The following TRAPPC9 variants were observed in gnomAD, a reference collection of about 807,000 sequenced individuals.
The protein encoded by TRAPPC9 is trafficking protein particle complex subunit 9, also known as IKK2 binding protein.
A neutral mutation model predicts 124.0 loss-of-function variants in TRAPPC9; 83 were observed. The observed-to-expected ratio is 0.67, with a 90% CI of 0.56 to 0.80. TRAPPC9 has a LOEUF of 0.80. TRAPPC9 is among the 30% of genes least tolerant of loss of function. TRAPPC9 has a pLI of 0.00. For missense variants in TRAPPC9, 1,302 were observed against 1,508.3 expected (o/e 0.86, Z 2.27); for synonymous variants, 638 against 617.5 (o/e 1.03, Z -0.49).
chr8:139,995,702 G>A (rs1215330062), intron 18 of TRAPPC9, among the ~76,000 whole-genome samples: 1 of 151,998 alleles, frequency 6.6e-6, no homozygotes. Flanking sequence ...CCAGGGAGCT[G>A]AGCTTGACAG....
intron 2 of TRAPPC9, among the ~76,000 whole-genome samples, chr8:140,448,901 C>T (rs2071359352): frequency 6.6e-6 from 1 of 152,192 alleles, no homozygotes; most frequent in African/African-American, 2.4e-5. Context: ...AACCTTGCTG[C>T]CTCAGCCCCA....
intron 11 of TRAPPC9, among the ~76,000 whole-genome samples, chr8:140,297,641 C>T (rs2065847568): frequency 6.6e-6 from 1 of 152,238 alleles, no homozygotes; most frequent in East Asian, 1.9e-4. Context: ...CAGATGGAGG[C>T]TGTGTCTGAG....
chr8:139,791,995 C>T (rs1822713933), intron 21 of TRAPPC9, among the ~76,000 whole-genome samples: 1 of 149,146 alleles, frequency 6.7e-6, no homozygotes, highest in Non-Finnish European at 1.5e-5. Flanking sequence ...CAGCTTTCAG[C>T]ACACGTCACC....
intron 17 of TRAPPC9, among the ~76,000 whole-genome samples, chr8:140,116,372 A>C (rs2060888746): frequency 1.3e-5 from 2 of 151,792 alleles, no homozygotes; most frequent in Non-Finnish European, 2.9e-5. Flanking sequence ...AACGATTATC[A>C]CTCCCCTAGA....
chr8:140,023,919 CG>C lies in TRAPPC9; in HGVS notation c.2699+17del. On this transcript the variant is annotated intron_variant, in intron 18 of 22. Coordinates refer to ENST00000438773, the MANE Select transcript of TRAPPC9 (RefSeq NM_001160372.4). ...GAGACTCTAGAACAAGACGGCTGTG[CG>C]GCAGGAAGACATTTACCTGGTTGCT... 6.2e-7 allele frequency: 1 copy of C among 1,613,820 alleles called. No individual in the cohort carries two copies. Among genetic ancestry groups the C allele is most frequent in the Middle Eastern group, 1.7e-4 (1 of 6,036 alleles).
chr8:140,350,776 G>A (rs182769086), intron 9 of TRAPPC9, among the ~76,000 whole-genome samples: 88 of 152,256 alleles, frequency 5.8e-4, no homozygotes, highest in African/African-American at 1.9e-3. Context: ...AACTGGAACC[G>A]GGAGCAGACG....
chr8:139,858,469 T>C (rs1827935388), intron 21 of TRAPPC9, among the ~76,000 whole-genome samples: 1 of 152,236 alleles, frequency 6.6e-6, no homozygotes, highest in Non-Finnish European at 1.5e-5. Context: ...TCCATGCCAT[T>C]TTTATCAATC....
At chr8:139,980,847 C>T (rs546325335) in intron 19 of TRAPPC9, among the ~76,000 whole-genome samples, 1 of 152,278 alleles carries the variant, frequency 6.6e-6, no homozygotes, top group South Asian at 2.1e-4. Flanking sequence ...CTTCCACGCG[C>T]TAGGAAAGGC....
At chr8:140,118,258 T>C (rs4736138) in intron 17 of TRAPPC9, among the ~76,000 whole-genome samples, 46,860 of 152,086 alleles carry the variant, frequency 0.31, 7,381 homozygotes, top group Admixed American at 0.36. Context: ...GAAGTTCAAG[T>C]AAGTCCAGCT....
In TRAPPC9 at chr8:139,768,586, A is replaced by C. The variant is rs536366275; in HGVS notation, c.3056-36384T>G. On this transcript the variant is annotated intron_variant, in intron 21 of 22. Coordinates refer to ENST00000438773, the MANE Select transcript of TRAPPC9 (RefSeq NM_001160372.4). ...TCTGGATGGTGGGATTTCTGGTAAT[A>C]GTCCATTTCTTCTTTGTGTTCACCT... Among the ~76,000 whole-genome samples the C allele has an allele frequency of 3.9e-5, 6 of 152,354 alleles. No individual in the cohort carries two copies. In the South Asian group the frequency reaches 1.2e-3, roughly 32 times the overall value.
chr8:139,990,147 G>C (rs760668902), intron 18 of TRAPPC9, among the ~76,000 whole-genome samples: 3 of 152,150 alleles, frequency 2.0e-5, no homozygotes, highest in Non-Finnish European at 2.9e-5. Context: ...CCAAGTGGGA[G>C]GCAAGGCTTT....
chr8:140,360,462 T>A (rs2067916073), intron 8 of TRAPPC9, among the ~76,000 whole-genome samples: 1 of 152,168 alleles, frequency 6.6e-6, no homozygotes, highest in Non-Finnish European at 1.5e-5. Flanking sequence ...TGCTTCGAAA[T>A]AATAAGCTTA....
At chr8:139,977,209 G>A (rs1222966386) in intron 19 of TRAPPC9, among the ~76,000 whole-genome samples, 4 of 152,122 alleles carry the variant, frequency 2.6e-5, no homozygotes, top group Non-Finnish European at 5.9e-5. Flanking sequence ...GTAACGGCCC[G>A]TGCGGGACAG....
At chr8:139,780,501 C>T (rs1821730206) in intron 21 of TRAPPC9, among the ~76,000 whole-genome samples, 1 of 152,192 alleles carries the variant, frequency 6.6e-6, no homozygotes, top group Non-Finnish European at 1.5e-5. Flanking sequence ...TAGACATAGA[C>T]TTTATGCCCT....
chr8:139,993,086 G>GA (rs1430172052), intron 18 of TRAPPC9, among the ~76,000 whole-genome samples: 5 of 152,108 alleles, frequency 3.3e-5, no homozygotes, highest in African/African-American at 1.2e-4. Context: ...TTGGTACAAT[G>GA]AAAAACATCA....
At chr8:140,296,680 C>G (rs1176542467) in intron 11 of TRAPPC9, among the ~76,000 whole-genome samples, 1 of 152,252 alleles carries the variant, frequency 6.6e-6, no homozygotes, top group Non-Finnish European at 1.5e-5. Flanking sequence ...CTGTTGCTGT[C>G]TTCGAATTCC....
chr8:140,237,819 T>C (rs1332641897), intron 16 of TRAPPC9, among the ~76,000 whole-genome samples: 1 of 152,008 alleles, frequency 6.6e-6, no homozygotes, highest in East Asian at 1.9e-4. Context: ...ATGTGGAAGA[T>C]AGTGGAAAAG....
chr8:140,080,226 T>C (rs772892456), intron 17 of TRAPPC9, among the ~76,000 whole-genome samples: 1 of 152,188 alleles, frequency 6.6e-6, no homozygotes, highest in Non-Finnish European at 1.5e-5. Context: ...CCCTGTAACT[T>C]AACACTCAGC....
chr8:140,069,159 A>G (rs1324168341), intron 17 of TRAPPC9, among the ~76,000 whole-genome samples: 2 of 152,238 alleles, frequency 1.3e-5, no homozygotes, highest in Non-Finnish European at 1.5e-5. Context: ...GAATGCAAGC[A>G]TAACAGCAGA....
Sources: allele counts gnomAD v4.1 joint callset (sites outside exome capture counted in the v4.1 genomes callset), GRCh38; gene constraint gnomAD v4.1.1; transcripts MANE v1.5; gene names NCBI Gene and HGNC (gene_info 2026-07-23, HGNC 2026-07-21).